The following MGAT4A variants were observed in gnomAD, a reference collection of about 807,000 sequenced individuals.
MGAT4A encodes N-acetylglucosaminyltransferase IVa.
A neutral mutation model predicts 74.1 loss-of-function variants in MGAT4A; 33 were observed. The observed-to-expected ratio is 0.45, with a 90% CI of 0.34 to 0.60. The LOEUF is 0.60. Ranked by LOEUF, MGAT4A falls within the 20% of genes least tolerant of loss-of-function variation. The pLI is 0.02. For missense variants in MGAT4A, 479 were observed against 628.3 expected, an observed-to-expected ratio of 0.76 and a Z score of 2.54; for synonymous variants, 198 against 210.4, an observed-to-expected ratio of 0.94 and a Z score of 0.51.
chr2:98,648,082 A>T (rs1486607738), intron 8 of MGAT4A, among the ~76,000 whole-genome samples: 1 of 152,220 alleles, frequency 6.6e-6, no homozygotes, highest in Non-Finnish European at 1.5e-5. Context: ...TTTTCCCACT[A>T]ATACTCTGTA....
chr2:98,667,700 TTG>T (rs1559164166), intron 4 of MGAT4A, among the ~76,000 whole-genome samples: 6 of 124,256 alleles, frequency 4.8e-5, no homozygotes, highest in African/African-American at 1.5e-4. Flanking sequence ...TCAGTTTTTG[TTG>T]TTGTTGTTGT....
chr2:98,705,459 G>T (rs916557004), intron 2 of MGAT4A, among the ~76,000 whole-genome samples: 1 of 152,072 alleles, frequency 6.6e-6, no homozygotes, highest in African/African-American at 2.4e-5. Flanking sequence ...CTTTGCCTAG[G>T]ACGGTTCCAA....
At chr2:98,716,992 T>A (rs1702602000) in intron 2 of MGAT4A, among the ~76,000 whole-genome samples, 2 of 152,160 alleles carry the variant, frequency 1.3e-5, no homozygotes, top group Admixed American at 1.3e-4. Flanking sequence ...TGAATCTGTG[T>A]ATACAGAGGG....
intron 1 of MGAT4A, 25 bp from the exon 2 acceptor site, chr2:98,726,592 A>G (rs1702767136): frequency 2.5e-6 from 1 of 406,736 alleles, no homozygotes; most frequent in African/African-American, 2.0e-5. Flanking sequence ...AGAGAAAGTC[A>G]AGCTCATTCG....
chr2:98,678,747 G>T (rs7596584), intron 2 of MGAT4A, among the ~76,000 whole-genome samples: 2 of 151,980 alleles, frequency 1.3e-5, no homozygotes, highest in Non-Finnish European at 2.9e-5. Flanking sequence ...ATTAAAGATG[G>T]ATAAAATGAT....
At chr2:98,726,634 A>G (rs1702768222) in intron 1 of MGAT4A, 67 bp from the exon 2 acceptor site, 1 of 348,218 alleles carries the variant, frequency 2.9e-6, no homozygotes, top group Non-Finnish European at 5.2e-6. Flanking sequence ...TTCATTTACT[A>G]TTCATCATTA....
chr2:98,711,742 A>G (rs1271169952), intron 2 of MGAT4A, among the ~76,000 whole-genome samples: 1 of 152,094 alleles, frequency 6.6e-6, no homozygotes, highest in Non-Finnish European at 1.5e-5. Context: ...TCCTCAAGCA[A>G]TCCTCCTGCC....
rs1701116852 is a variant in MGAT4A, at chr2:98,624,602, T to C, written c.*964A>G. On this transcript the variant is annotated 3_prime_UTR_variant, in exon 16 of 16. Coordinates refer to ENST00000393487, the MANE Select transcript of MGAT4A (RefSeq NM_012214.3). ...CTAGAAAACATTTTGTCTGACGTCA[T>C]AAAATGAGTGCAGATATAAAAGAAT... is the stretch of plus-strand genomic sequence containing the variant. 1 of 985,036 alleles carries C rather than the reference T, an allele frequency of 1.0e-6. No homozygotes were observed. Among genetic ancestry groups the C allele is most frequent in the Non-Finnish European group, 1.2e-6 (1 of 829,596 alleles). 61.0% of individuals were successfully genotyped at this position (985,036 alleles called of 1,614,324 possible). A position where few individuals can be genotyped will look rare whatever the true frequency, so the allele number is the denominator to read the frequency against.
intron 12 of MGAT4A, among the ~76,000 whole-genome samples, chr2:98,637,317 AAAT>A (rs900091912): frequency 2.6e-5 from 4 of 151,230 alleles, no homozygotes; most frequent in South Asian, 2.1e-4. Flanking sequence ...ACTCATCTCT[AAAT>A]AATAATAATA....
At chr2:98,702,160 C>T (rs1702362719) in intron 2 of MGAT4A, among the ~76,000 whole-genome samples, 1 of 152,222 alleles carries the variant, frequency 6.6e-6, no homozygotes, top group South Asian at 2.1e-4. Context: ...GTGACTTTTC[C>T]TGCCAAGAGC....
intron 4 of MGAT4A, among the ~76,000 whole-genome samples, chr2:98,671,570 C>T (rs1046032370): frequency 6.6e-6 from 1 of 152,176 alleles, no homozygotes; most frequent in Non-Finnish European, 1.5e-5. Flanking sequence ...GAACATTCCA[C>T]ACTCCCTTCC....
At chr2:98,640,974 C>T (rs10168576) in intron 10 of MGAT4A, among the ~76,000 whole-genome samples, 1,804 of 152,078 alleles carry the variant, frequency 0.012, 34 homozygotes, top group African/African-American at 0.041. Context: ...CAATCATTTG[C>T]CTAGAAGCAA....
chr2:98,639,492 C>T (rs112861170), intron 12 of MGAT4A, among the ~76,000 whole-genome samples: 2,128 of 152,138 alleles, frequency 0.014, 19 homozygotes, highest in Non-Finnish European at 0.022. Context: ...TTTCAAGGGA[C>T]ATACCAGGAT....
rs982677831 is a variant in MGAT4A, at chr2:98,623,810, T to A, written c.*1756A>T. On this transcript the variant is annotated 3_prime_UTR_variant, in exon 16 of 16. Transcript: ENST00000393487. ...AGGAAATGATGCTATTTCATGCTGT[T>A]GGTTCAGCACATTGGGTAACTAGAT... The A allele has an allele frequency of 6.1e-6, 6 of 985,302 alleles. No homozygotes were observed. In the African/African-American group the frequency reaches 1.0e-4, roughly 17 times the overall value. The allele number at this position is 985,302 out of a possible 1,614,324, so 61.0% of individuals were successfully genotyped here.
chr2:98,706,982 AAG>A (rs1268844146), intron 2 of MGAT4A, among the ~76,000 whole-genome samples: 4 of 152,002 alleles, frequency 2.6e-5, no homozygotes, highest in African/African-American at 9.7e-5. Flanking sequence ...TTGGGAGGCC[AAG>A]GCAGGCAGAA....
chr2:98,686,098 G>A (rs1483314748), intron 2 of MGAT4A, among the ~76,000 whole-genome samples: 2 of 152,076 alleles, frequency 1.3e-5, no homozygotes, highest in African/African-American at 4.8e-5. Context: ...GTGAACACCA[G>A]TTTCAAAGGT....
chr2:98,646,543 C>CA (rs895783981), intron 8 of MGAT4A, among the ~76,000 whole-genome samples: 4 of 151,882 alleles, frequency 2.6e-5, no homozygotes, highest in African/African-American at 9.7e-5. Flanking sequence ...CTCATCTCTA[C>CA]AAAAAATTAA....
chr2:98,636,432 T>C (rs1395493615), intron 13 of MGAT4A, 85 bp downstream of exon 13: 1 of 1,023,800 alleles, frequency 9.8e-7, no homozygotes, highest in African/African-American at 1.6e-5. Context: ...GAGAATTTTC[T>C]TTCCCCTTAA....
At chr2:98,697,462 A>T (rs1702293556) in intron 2 of MGAT4A, among the ~76,000 whole-genome samples, 1 of 152,184 alleles carries the variant, frequency 6.6e-6, no homozygotes, top group African/African-American at 2.4e-5. Context: ...GAATTGTTCT[A>T]TAGTGGTGGT....
Sources: gnomAD v4.1 joint callset for allele counts (sites outside exome capture counted in the v4.1 genomes callset) on GRCh38, gnomAD v4.1.1 for gene constraint, MANE v1.5 for transcripts, NCBI Gene and HGNC (gene_info 2026-07-23, HGNC 2026-07-21) for gene names.